Variants in MEF2A observed in about 807,000 individuals in gnomAD.
MEF2A encodes the protein myocyte-specific enhancer factor 2A.
Under a neutral mutation model 55.8 loss-of-function variants are expected in MEF2A, and 28 were observed. The ratio of observed to expected loss-of-function variants is 0.50; its 90% CI spans 0.37 to 0.69. MEF2A has a LOEUF of 0.69. Ranked by LOEUF, MEF2A falls within the 30% of genes least tolerant of loss-of-function variation. The probability of loss-of-function intolerance (pLI) is 0.00; values close to 1 mark genes in which losing one functional copy is unlikely to be tolerated. For synonymous variants in MEF2A, 239 were observed against 227.1 expected, an observed-to-expected ratio of 1.05 and a Z score of -0.47; for missense variants, 528 against 626.2, an observed-to-expected ratio of 0.84 and a Z score of 1.67.
intron 1 of MEF2A, among the ~76,000 whole-genome samples, chr15:99,579,337 AGGG>A (rs2152829941): frequency 1.3e-5 from 2 of 150,598 alleles, no homozygotes; most frequent in Admixed American, 1.3e-4. Context: ...AGGGTGGGGC[AGGG>A]TTCCTTGCTG....
upstream of MEF2A, chr15:99,565,732 C>T (rs575145669): frequency 5.2e-5 from 8 of 152,570 alleles, 1 homozygote; most frequent in South Asian, 1.2e-3. Context: ...TGGAATAGCG[C>T]CCGCTTCCAA....
intron 3 of MEF2A, among the ~76,000 whole-genome samples, chr15:99,640,871 C>T (rs1418509141): frequency 6.6e-6 from 1 of 152,072 alleles, no homozygotes; most frequent in Non-Finnish European, 1.5e-5. Flanking sequence ...AGGTCTGAAA[C>T]TCTGTGTTAT....
At chr15:99,678,871 TAGAG>T (rs767112257) in intron 7 of MEF2A, 29 of 169,224 alleles carry the variant, frequency 1.7e-4, no homozygotes, top group Non-Finnish European at 3.1e-4. Context: ...ATACAATCAA[TAGAG>T]AGGTTTTTTT....
At chr15:99,653,575 ATGC>A (rs2047205316) in intron 4 of MEF2A, among the ~76,000 whole-genome samples, 1 of 152,158 alleles carries the variant, frequency 6.6e-6, no homozygotes, top group African/African-American at 2.4e-5. Flanking sequence ...CTGATTGTGT[ATGC>A]TAAGGGTATT....
chr15:99,609,502 A>G (rs1463612998), intron 2 of MEF2A, among the ~76,000 whole-genome samples: 2 of 152,144 alleles, frequency 1.3e-5, no homozygotes, highest in African/African-American at 4.8e-5. Context: ...TCCTTTCTTT[A>G]TGGCTGTGAT....
chr15:99,590,133 T>C (rs1968755117), intron 1 of MEF2A, among the ~76,000 whole-genome samples: 1 of 152,086 alleles, frequency 6.6e-6, no homozygotes, highest in Admixed American at 6.5e-5. Flanking sequence ...CTCCTTTTAG[T>C]TCTGTCAGTG....
intron 4 of MEF2A, among the ~76,000 whole-genome samples, chr15:99,653,789 G>A (rs911552376): frequency 3.9e-5 from 6 of 152,068 alleles, no homozygotes; most frequent in Admixed American, 1.3e-4. Flanking sequence ...TATTATGCAC[G>A]TTGGACTTTA....
rs139222795 is a variant in MEF2A at position 99,625,101 on chromosome 15, T to C, written c.-142-7877T>C. Among the ~76,000 whole-genome samples the C allele has an allele frequency of 6.8e-3, 1,036 of 152,304 alleles. 11 individuals are homozygous for C. Among genetic ancestry groups the C allele is most frequent in the African/African-American group, 0.024 (988 of 41,576 alleles). ...GGATAGGCTAAGCTGTGATGTTTGGTACGTTAGGTGTATTAAGTGCATTTT... is the reference window on the plus strand; with the variant it reads ...GGATAGGCTAAGCTGTGATGTTTGGCACGTTAGGTGTATTAAGTGCATTTT... On this transcript the variant is annotated intron_variant, in intron 2 of 11. Coordinates refer to ENST00000557942, the MANE Select transcript of MEF2A (RefSeq NM_001319206.4).
intron 1 of MEF2A, among the ~76,000 whole-genome samples, chr15:99,580,101 T>C (rs528686300): frequency 6.6e-6 from 1 of 152,296 alleles, no homozygotes; most frequent in Admixed American, 6.5e-5. Context: ...CTGATGATCT[T>C]TCCAGATGAT....
chr15:99,618,500 G>A (rs997539395), intron 2 of MEF2A, among the ~76,000 whole-genome samples: 4 of 152,084 alleles, frequency 2.6e-5, no homozygotes, highest in Admixed American at 6.6e-5. Context: ...AAGTACTGCG[G>A]CAATGTTATA....
chr15:99,687,705 A>G (rs2054564474), intron 7 of MEF2A, among the ~76,000 whole-genome samples: 1 of 152,096 alleles, frequency 6.6e-6, no homozygotes. Context: ...TTTCTATTTC[A>G]TTGTAAATTT....
At chr15:99,638,697 CT>C (rs918465090) in intron 3 of MEF2A, among the ~76,000 whole-genome samples, 1 of 151,644 alleles carries the variant, frequency 6.6e-6, no homozygotes, top group African/African-American at 2.4e-5. Flanking sequence ...CATTTTTAAG[CT>C]TTTTTTTAAA....
intron 2 of MEF2A, among the ~76,000 whole-genome samples, chr15:99,629,810 C>T (rs1297367813): frequency 6.6e-6 from 1 of 152,056 alleles, no homozygotes; most frequent in Non-Finnish European, 1.5e-5. Context: ...CGTGGTGGCA[C>T]GTGCCTGTAG....
chr15:99,682,552 G>A (rs1244278125), intron 7 of MEF2A, among the ~76,000 whole-genome samples: 1 of 152,156 alleles, frequency 6.6e-6, no homozygotes, highest in Non-Finnish European at 1.5e-5. Context: ...ACATATTAGG[G>A]TATATATCAC....
chr15:99,584,626 G>A (rs934021342), intron 1 of MEF2A, among the ~76,000 whole-genome samples: 1 of 152,178 alleles, frequency 6.6e-6, no homozygotes, highest in Non-Finnish European at 1.5e-5. Context: ...TTCTGGAATA[G>A]GCAAATGTAT....
At chr15:99,683,711 TA>T (rs11299840) in intron 7 of MEF2A, among the ~76,000 whole-genome samples, 93,437 of 139,430 alleles carry the variant, frequency 0.67, 32,053 homozygotes, top group Middle Eastern at 0.83. Context: ...GGCCTTTTAT[TA>T]AAAAAAAAAA....
intron 7 of MEF2A, among the ~76,000 whole-genome samples, chr15:99,677,550 A>G (rs1007841560): frequency 3.9e-5 from 6 of 152,184 alleles, no homozygotes; most frequent in Middle Eastern, 3.2e-3. Context: ...AAAGGGATGG[A>G]AAATTAAAAA....
At chr15:99,688,778 T>A (rs922613639) in intron 7 of MEF2A, among the ~76,000 whole-genome samples, 1 of 151,934 alleles carries the variant, frequency 6.6e-6, no homozygotes, top group African/African-American at 2.4e-5. Flanking sequence ...AATAAATAAA[T>A]AAAAATAAAA....
intron 4 of MEF2A, among the ~76,000 whole-genome samples, chr15:99,649,634 A>G (rs540654391): frequency 8.1e-4 from 124 of 152,246 alleles, no homozygotes; most frequent in African/African-American, 2.8e-3. Context: ...ATTAAAAATT[A>G]TGAACTATAT....
Sources: allele counts gnomAD v4.1 joint callset (sites outside exome capture counted in the v4.1 genomes callset), GRCh38; gene constraint gnomAD v4.1.1; transcripts MANE v1.5; gene names NCBI Gene and HGNC (gene_info 2026-07-23, HGNC 2026-07-21).